The following WARS2 variants were observed in gnomAD, a reference collection of about 807,000 sequenced individuals.
WARS2 encodes the protein tryptophan--tRNA ligase, mitochondrial.
Under a neutral mutation model 36.5 loss-of-function variants are expected in WARS2, and 28 were observed. The ratio of observed to expected loss-of-function variants is 0.77; its 90% confidence interval spans 0.57 to 1.05. The LOEUF (loss-of-function observed/expected upper bound fraction) is 1.05. Ranked by LOEUF, WARS2 falls within the 50% of genes least tolerant of loss-of-function variation. WARS2 has a pLI of 0.00. For missense variants in WARS2, 435 were observed against 456.8 expected (o/e 0.95, Z 0.44); for synonymous variants, 174 against 178.4 (o/e 0.98, Z 0.20).
At chr1:119,068,866 C>T (rs1463430983) in intron 2 of WARS2, among the ~76,000 whole-genome samples, 1 of 152,118 alleles carries the variant, frequency 6.6e-6, no homozygotes, top group Non-Finnish European at 1.5e-5. Flanking sequence ...CACACACACA[C>T]ACACACACAC....
chr1:119,126,273 A>G (rs1274890397), intron 1 of WARS2, among the ~76,000 whole-genome samples: 1 of 151,936 alleles, frequency 6.6e-6, no homozygotes, highest in Admixed American at 6.5e-5. Context: ...TTTTGAAAAA[A>G]AAAAAAAAAA....
chr1:119,069,741 A>G (rs1651152312), intron 2 of WARS2, among the ~76,000 whole-genome samples: 1 of 152,150 alleles, frequency 6.6e-6, no homozygotes, highest in Non-Finnish European at 1.5e-5. Context: ...AGAGACGCTG[A>G]TGTGTTTTTA....
intron 2 of WARS2, among the ~76,000 whole-genome samples, chr1:119,075,162 A>G (rs1239961675): frequency 6.6e-6 from 1 of 152,084 alleles, no homozygotes; most frequent in Non-Finnish European, 1.5e-5. Flanking sequence ...GTGTATATAT[A>G]TACATATATA....
At chr1:119,136,667 T>TA (rs964370823) in intron 1 of WARS2, among the ~76,000 whole-genome samples, 2 of 152,318 alleles carry the variant, frequency 1.3e-5, no homozygotes, top group East Asian at 3.9e-4. Context: ...AGAGAAAAGC[T>TA]AAAAGTCAGT....
At chr1:119,089,789 G>A (rs1203479722) in intron 1 of WARS2, among the ~76,000 whole-genome samples, 5 of 152,180 alleles carry the variant, frequency 3.3e-5, no homozygotes, top group Non-Finnish European at 7.3e-5. Context: ...GAAATTCTAT[G>A]CAGCCATAGA....
At chr1:119,122,898 C>T (rs755799577) in intron 1 of WARS2, among the ~76,000 whole-genome samples, 2 of 150,890 alleles carry the variant, frequency 1.3e-5, no homozygotes, top group Non-Finnish European at 1.5e-5. Context: ...GGGTGTGAGG[C>T]GGGTGATGGA....
chr1:119,035,278 A>G (rs994060699), intron 4 of WARS2, among the ~76,000 whole-genome samples: 5 of 152,186 alleles, frequency 3.3e-5, no homozygotes, highest in African/African-American at 1.2e-4. Flanking sequence ...TTTATACCTG[A>G]TAATACAAGT....
At chr1:119,105,307 A>G (rs938205117) in intron 1 of WARS2, among the ~76,000 whole-genome samples, 7 of 152,206 alleles carry the variant, frequency 4.6e-5, no homozygotes, top group African/African-American at 1.7e-4. Context: ...TATTTTGGAC[A>G]AGTTTAAGAT....
intron 1 of WARS2, chr1:119,085,441 CAGTT>C (rs1652569962): frequency 2.7e-6 from 4 of 1,506,072 alleles, no homozygotes; most frequent in South Asian, 1.2e-5. Flanking sequence ...ACCTCCCAGT[CAGTT>C]GTCTCTTTTT....
chr1:119,100,295 T>C (rs1284137036), intron 1 of WARS2, among the ~76,000 whole-genome samples: 1 of 152,022 alleles, frequency 6.6e-6, no homozygotes, highest in Non-Finnish European at 1.5e-5. Flanking sequence ...AAATAATGGA[T>C]GTTGGTGAGG....
intron 2 of WARS2, among the ~76,000 whole-genome samples, chr1:119,075,772 G>C (rs373425731): frequency 6.6e-6 from 1 of 152,184 alleles, no homozygotes; most frequent in Non-Finnish European, 1.5e-5. Context: ...TTCATCCATA[G>C]TGAAGATATG....
intron 2 of WARS2, among the ~76,000 whole-genome samples, chr1:119,057,655 T>C (rs1178491211): frequency 5.9e-5 from 9 of 151,862 alleles, no homozygotes; most frequent in South Asian, 2.1e-4. Context: ...CCAGGCATGG[T>C]TGCAGGTGCC....
intron 1 of WARS2, among the ~76,000 whole-genome samples, chr1:119,135,415 C>T (rs1443042058): frequency 6.6e-6 from 1 of 152,098 alleles, no homozygotes; most frequent in African/African-American, 2.4e-5. Flanking sequence ...AACAGGGATT[C>T]ATGTAAGATT....
chr1:119,126,330 C>G (rs935851571), intron 1 of WARS2, among the ~76,000 whole-genome samples: 3 of 151,720 alleles, frequency 2.0e-5, no homozygotes, highest in African/African-American at 7.3e-5. Context: ...TTTACAATTT[C>G]TAATTTCAAT....
intron 1 of WARS2, among the ~76,000 whole-genome samples, chr1:119,134,319 C>CAAAAAAAAAAAAAAAAAAAAAAA (rs761321480): frequency 1.8e-4 from 12 of 65,878 alleles, no homozygotes; most frequent in East Asian, 5.3e-4. Flanking sequence ...GGCAAAGGGG[C>CAAAAAAAAAAAAAAAAAAAAAAA]AAAAAAAAAA....
At position 119,104,621 on chromosome 1, in the gene WARS2, G is replaced by GAA. The variant is rs71665951; in HGVS notation, c.91-28016_91-28015dup. On this transcript the variant is annotated intron_variant, in intron 1 of 5. Transcript: ENST00000235521. The stretch of plus-strand genomic sequence containing the variant: ...AAATACAGAATGTGATTAGTGCCAT[G>GAA]AAAAAAAAAAAAACATGGTGAAATA... 2.1e-4 allele frequency among the ~76,000 whole-genome samples: 30 copies of GAA among 141,360 alleles called. 1 individual carries two copies. The highest frequency in any genetic ancestry group is 6.9e-4 in the African/African-American group (27 of 39,216). 92.7% of individuals were successfully genotyped at this position (141,360 alleles called of 152,430 possible).
chr1:119,114,116 C>G (rs1370237097), intron 1 of WARS2, among the ~76,000 whole-genome samples: 1 of 152,154 alleles, frequency 6.6e-6, no homozygotes, highest in Non-Finnish European at 1.5e-5. Flanking sequence ...GACTAAGGCA[C>G]AGAAGGGTTT....
At chr1:119,122,167 A>T (rs1655365549) in intron 1 of WARS2, among the ~76,000 whole-genome samples, 1 of 152,218 alleles carries the variant, frequency 6.6e-6, no homozygotes, top group South Asian at 2.1e-4. Flanking sequence ...AATATCCAGA[A>T]TCTACAAAGA....
chr1:119,045,617 T>G lies in WARS2; in HGVS notation c.394A>C (p.Arg132=). The G allele has an allele frequency of 6.3e-7, 1 of 1,595,544 alleles. No individual in the cohort carries two copies. ...TGTAAATGTTGTAATCGAGGTAGTC[T>G]GACCATGCAGGAAAGGATCCAACTT... ...QLSWILSCMV[R]LPRLQHLHQW... Residue 132 remains arginine (R), a synonymous_variant, in exon 3 of 6, where the codon AGA becomes CGA. Transcript: ENST00000235521.
Sources: allele counts gnomAD v4.1 joint callset (sites outside exome capture counted in the v4.1 genomes callset), GRCh38; gene constraint gnomAD v4.1.1; transcripts MANE v1.5; gene names NCBI Gene and HGNC (gene_info 2026-07-23, HGNC 2026-07-21).